The following OR3A2 variants were observed in gnomAD, a reference collection of about 807,000 sequenced individuals.
OR3A2 encodes olfactory receptor family 3 subfamily A member 2.
For missense variants in OR3A2, 318 were observed against 392.8 expected, an observed-to-expected ratio of 0.81 and a Z score of 1.61; for synonymous variants, 126 against 159.3, an observed-to-expected ratio of 0.79 and a Z score of 1.57.
At chr17:3,308,788 G>C (rs2049017647) in intron 3 of OR3A2, among the ~76,000 whole-genome samples, 1 of 152,166 alleles carries the variant, frequency 6.6e-6, no homozygotes, top group African/African-American at 2.4e-5. Flanking sequence ...ATCTTCCTCT[G>C]CTCATGCCTT....
chr17:3,340,937 A>G (rs1219347622), intron 2 of OR3A2, among the ~76,000 whole-genome samples: 1 of 152,086 alleles, frequency 6.6e-6, no homozygotes, highest in African/African-American at 2.4e-5. Flanking sequence ...TGCTTTATGA[A>G]TCTGGGTGCT....
chr17:3,321,652 C>G (rs1394646214), intron 3 of OR3A2, among the ~76,000 whole-genome samples: 3 of 152,156 alleles, frequency 2.0e-5, no homozygotes, highest in Non-Finnish European at 4.4e-5. Context: ...TGGTTTTTGT[C>G]TTTGGTTCTG....
chr17:3,321,816 A>G (rs368534787), intron 3 of OR3A2, among the ~76,000 whole-genome samples: 17 of 152,138 alleles, frequency 1.1e-4, no homozygotes, highest in Non-Finnish European at 1.9e-4. Flanking sequence ...ATCAATGTTC[A>G]TCAAGGATAT....
intron 2 of OR3A2, among the ~76,000 whole-genome samples, chr17:3,355,508 G>A (rs2150656365): frequency 6.6e-6 from 1 of 150,846 alleles, no homozygotes; most frequent in South Asian, 2.1e-4. Context: ...CTACAGTGCT[G>A]CGTACATATA....
At chr17:3,306,694 A>AAACAAAAAAC (rs1429072041) in intron 3 of OR3A2, among the ~76,000 whole-genome samples, 1 of 118,226 alleles carries the variant, frequency 8.5e-6, no homozygotes, top group Admixed American at 8.9e-5. Context: ...AAAAAAAAAA[A>AAACAAAAAAC]ACCGTAACCC....
chr17:3,306,018 C>G (rs2048997298), intron 3 of OR3A2, among the ~76,000 whole-genome samples: 1 of 152,144 alleles, frequency 6.6e-6, no homozygotes, highest in Admixed American at 6.6e-5. Flanking sequence ...CTCTGTTAAG[C>G]AAGGTGAAGA....
chr17:3,359,143 T>C (rs2049488483), intron 2 of OR3A2, among the ~76,000 whole-genome samples: 1 of 151,780 alleles, frequency 6.6e-6, no homozygotes, highest in Non-Finnish European at 1.5e-5. Flanking sequence ...TTTTCCTCCA[T>C]CCTTTTATTT....
Position 3,278,148 on chromosome 17 carries a change from C to CT in OR3A2, c.769dup (p.Arg257LysfsTer19), listed in dbSNP as rs778568295. 6.2e-7 allele frequency: 1 copy of CT among 1,614,254 alleles called. No homozygotes were observed. Among genetic ancestry groups the CT allele is most frequent in the South Asian group, 1.1e-5 (1 of 91,088 alleles). On this transcript the variant is annotated frameshift_variant, in exon 2 of 2. Coordinates refer to ENST00000642052, the Ensembl canonical transcript of OR3A2. LOFTEE classifies it low-confidence loss of function (END_TRUNC). Reference sequence around the variant, plus strand: ...CAGTCTCATGTAGTTGAAGATACCTCTTCCAAAGAAAAGACAAACCACGGT... The same window carrying CT: ...CAGTCTCATGTAGTTGAAGATACCTCTTTCCAAAGAAAAGACAAACCACGGT...
At chr17:3,300,930 G>C (rs2048960312) in intron 3 of OR3A2, among the ~76,000 whole-genome samples, 2 of 149,808 alleles carry the variant, frequency 1.3e-5, no homozygotes, top group South Asian at 4.2e-4. Context: ...CTATGAGTGA[G>C]AACATGCGGT....
intron 3 of OR3A2, among the ~76,000 whole-genome samples, chr17:3,306,932 C>T (rs918508883): frequency 2.2e-4 from 33 of 152,194 alleles, no homozygotes; most frequent in African/African-American, 7.7e-4. Context: ...CCAAGTTTTT[C>T]CACAACAAGG....
intron 2 of OR3A2, among the ~76,000 whole-genome samples, chr17:3,371,593 ACGGGG>A (rs2049621959): frequency 1.7e-5 from 2 of 119,016 alleles, no homozygotes; most frequent in Non-Finnish European, 3.4e-5. Flanking sequence ...TCCCTCCCGG[ACGGGG>A]TGGCTGGCCG....
chr17:3,367,074 G>T (rs531775366), intron 2 of OR3A2, among the ~76,000 whole-genome samples: 5 of 152,130 alleles, frequency 3.3e-5, no homozygotes, highest in African/African-American at 4.8e-5. Flanking sequence ...AAGGCTCTAG[G>T]AAATATGAAT....
upstream of OR3A2, among the ~76,000 whole-genome samples, chr17:3,288,317 A>G (rs2048834482): frequency 6.6e-6 from 1 of 151,996 alleles, no homozygotes; most frequent in Non-Finnish European, 1.5e-5. Flanking sequence ...TAACAAATAA[A>G]TACAGTTATG....
intron 2 of OR3A2, among the ~76,000 whole-genome samples, chr17:3,370,456 T>A (rs971193013): frequency 9.2e-5 from 14 of 152,328 alleles, no homozygotes; most frequent in African/African-American, 3.4e-4. Flanking sequence ...TCAATTTCTT[T>A]ATCTTGTCAA....
chr17:3,301,553 T>C (rs2048966011), intron 3 of OR3A2, among the ~76,000 whole-genome samples: 1 of 152,254 alleles, frequency 6.6e-6, no homozygotes, highest in African/African-American at 2.4e-5. Flanking sequence ...GACTTTTTCT[T>C]GTAAATTTCT....
intron 2 of OR3A2, among the ~76,000 whole-genome samples, chr17:3,352,900 C>G (rs2049431867): frequency 6.6e-6 from 1 of 151,532 alleles, no homozygotes; most frequent in Non-Finnish European, 1.5e-5. Flanking sequence ...CTTTCCATTT[C>G]TGGTGTCCTG....
At chr17:3,384,157 C>T (rs1464598371) in intron 1 of OR3A2, among the ~76,000 whole-genome samples, 2 of 152,138 alleles carry the variant, frequency 1.3e-5, no homozygotes, top group East Asian at 3.8e-4. Flanking sequence ...TGGAGCTTTC[C>T]TGGCAAAGGG....
intron 2 of OR3A2, among the ~76,000 whole-genome samples, chr17:3,364,481 C>T (rs764078424): frequency 2.0e-5 from 3 of 152,140 alleles, no homozygotes. Flanking sequence ...TTGACCAATG[C>T]CCCCCATCCC....
rs566676597 is a variant in OR3A2, at chr17:3,325,432, A to T, written c.-85+10601T>A. On this transcript the variant is annotated intron_variant, in intron 3 of 4. Coordinates refer to the OR3A2 transcript ENST00000573491. ...ACCAGGTTGGCCAGGCTGGTCTCAA[A>T]CTCCTGACCTCAGGTGATCCACCCA... Among the ~76,000 whole-genome samples, 43 of 151,112 alleles carry T rather than the reference A, an allele frequency of 2.8e-4. 1 individual carries two copies. In the South Asian group the frequency reaches 8.8e-3, roughly 31 times the overall value.
Sources: allele counts gnomAD v4.1 joint callset (sites outside exome capture counted in the v4.1 genomes callset), GRCh38; gene constraint gnomAD v4.1.1; transcripts MANE v1.5; gene names NCBI Gene and HGNC (gene_info 2026-07-23, HGNC 2026-07-21).